ABCC8: variants seen among roughly 807,000 people sequenced by gnomAD.
The protein encoded by ABCC8 is ATP-binding cassette sub-family C member 8.
A neutral mutation model predicts 188.0 loss-of-function variants in ABCC8; 137 were observed. The observed-to-expected ratio is 0.73, with a 90% CI of 0.63 to 0.84. The LOEUF (loss-of-function observed/expected upper bound fraction) is 0.84, where lower values mean the gene tolerates loss of function less well. ABCC8 is among the 40% of genes least tolerant of loss of function. The pLI is 0.00. For missense variants in ABCC8, 1,750 were observed against 2,072.7 expected, an observed-to-expected ratio of 0.84 and a Z score of 3.02; for synonymous variants, 797 against 846.5, an observed-to-expected ratio of 0.94 and a Z score of 1.01.
chr11:17,436,847 G>A (rs907327016), intron 10 of ABCC8, among the ~76,000 whole-genome samples: 2 of 152,178 alleles, frequency 1.3e-5, no homozygotes, highest in African/African-American at 2.4e-5. Context: ...CCAGCACTCT[G>A]GGAGGCCAAG....
chr11:17,449,389 A>T (rs1433116501), intron 7 of ABCC8, among the ~76,000 whole-genome samples: 2 of 152,214 alleles, frequency 1.3e-5, no homozygotes, highest in Non-Finnish European at 2.9e-5. Flanking sequence ...CTCTGAGACC[A>T]AGTCCTGTCA....
chr11:17,458,505 C>G (rs936742449), intron 6 of ABCC8, among the ~76,000 whole-genome samples: 1 of 152,086 alleles, frequency 6.6e-6, no homozygotes, highest in Admixed American at 6.5e-5. Flanking sequence ...GATAAGGGCT[C>G]TGGCCTGTGC....
Position 17,394,267 on chromosome 11 carries a change from G to A in ABCC8, c.4544C>T (p.Thr1515Met), listed in dbSNP as rs769989185. 8 of 1,613,786 alleles carry A rather than the reference G, an allele frequency of 5.0e-6. No homozygotes were observed. Among genetic ancestry groups the A allele is most frequent in the Admixed American group, 1.7e-5 (1 of 60,026 alleles). The change falls in exon 37 of 39, where the codon ACG becomes ATG. Residue 1515 changes from threonine to methionine, a missense_variant and splice_region_variant. Thr to Met is a moderately conservative substitution (Grantham distance 81). Coordinates refer to ENST00000389817, the MANE Select transcript of ABCC8 (RefSeq NM_000352.6). ...CCCATGGAGGGGCCCAGGACCAACC[G>A]TGGCCATGTCAATGGAAGCCGTGGC... ...DEATASIDMA[T>M]ENILQKVVMT... is the part of the protein sequence containing the mutation.
Position 17,404,619 on chromosome 11 carries a change from GAC to G in ABCC8, c.3448_3449del (p.Val1150LeufsTer43), listed in dbSNP as rs1263082097. ...ECLSRSTLLC[V>X]SALAVISYVT... ...CATAGGAGATGACGGCCAGGGCTGA[GAC>G]ACAGAGCAGGGTGGAGCGGCTCAGG... On this transcript the variant is annotated frameshift_variant, in exon 28 of 39. Coordinates refer to ENST00000389817, the MANE Select transcript of ABCC8 (RefSeq NM_000352.6). LOFTEE classifies it high-confidence loss of function. The surrounding 1 kb of genome is among the most constrained non-coding windows in gnomAD (Gnocchi z 4.7). 1 of 1,613,780 alleles carries G rather than the reference GAC, an allele frequency of 6.2e-7. No homozygotes were observed.
At position 17,394,066 on chromosome 11, in the gene ABCC8, T is replaced by TTG. The variant is rs111234796; in HGVS notation, c.4545+198_4545+199dup. 4.6e-3 allele frequency among the ~76,000 whole-genome samples: 696 copies of TTG among 152,268 alleles called. 6 individuals are homozygous for TTG. Among genetic ancestry groups the TTG allele is most frequent in the African/African-American group, 0.016 (659 of 41,544 alleles). ...TTATGTGTGTGTTTGCATAGTGTTT[T>TTG]TGTGTGTGCGTGTGTGTGTGTAACA... On this transcript the variant is annotated intron_variant, in intron 37 of 38. Transcript: ENST00000389817.
At chr11:17,400,436 C>T (rs904263473) in intron 29 of ABCC8, among the ~76,000 whole-genome samples, 5 of 152,094 alleles carry the variant, frequency 3.3e-5, no homozygotes, top group Admixed American at 6.5e-5. Context: ...CACAGGCGTG[C>T]GACAGTGTGT....
rs1440000663 is a variant in ABCC8 at position 17,406,781 on chromosome 11, G to A, written c.3170C>T (p.Thr1057Ile). Reference sequence around the variant, plus strand: ...CATGGCATAGACAGTCTGGTCGAGGGTGCACTCCTTCACAGGCAGAGAGTG... The same window carrying A: ...CATGGCATAGACAGTCTGGTCGAGGATGCACTCCTTCACAGGCAGAGAGTG... ...ARNCSLSQEC[T>I]LDQTVYAMVF... Residue 1057 changes from threonine (T) to isoleucine (I), a missense_variant, in exon 26 of 39, where the codon ACC (threonine) becomes ATC (isoleucine). Thr to Ile is a moderately conservative substitution (Grantham distance 89). Transcript: ENST00000389817. The A allele has an allele frequency of 1.9e-6, 3 of 1,614,196 alleles. No individual in the cohort carries two copies. The highest frequency in any genetic ancestry group is 2.5e-6 in the Non-Finnish European group (3 of 1,180,024).
At position 17,410,508 on chromosome 11, in the gene ABCC8, C is replaced by A; in HGVS notation, c.2694+8G>T. 1 of 1,614,126 alleles carries A rather than the reference C, an allele frequency of 6.2e-7. No homozygotes were observed. Among genetic ancestry groups the A allele is most frequent in the Non-Finnish European group, 8.5e-7 (1 of 1,179,994 alleles). On this transcript the variant is annotated splice_region_variant and intron_variant, in intron 22 of 38. Transcript: ENST00000389817. ...CCCCTATAGCCTGACCCCCTTGTTC[C>A]CCCTCACCCAGTCTGCATGGGGCAG...
chr11:17,396,476 A>G (rs757111), intron 33 of ABCC8: 17,720 of 289,584 alleles, frequency 0.061, 838 homozygotes, highest in Admixed American at 0.16. Flanking sequence ...TGAGACAGAG[A>G]CAAAGAGACA....
At position 17,428,382 on chromosome 11, in the gene ABCC8, C is replaced by T. The variant is rs1799858; in HGVS notation, c.1947G>A (p.Lys649=). The change falls in exon 14 of 39, where the codon AAG becomes AAA. Residue 649 remains lysine, a synonymous_variant. Transcript: ENST00000389817. ...QAVPLRVVNR[K]RPAREDCRGL... ...CCCGACAATCCTCCCGGGCTGGACG[C>T]TTGCGGTTCACAACCCTGAGGGGCT... The T allele has an allele frequency of 0.16, 258,896 of 1,613,742 alleles. 22,375 individuals carry two copies. Among genetic ancestry groups the T allele is most frequent in the South Asian group, 0.28 (25,559 of 91,058 alleles).
At chr11:17,397,520 C>T (rs1954002857) in intron 31 of ABCC8, 164 bp downstream of exon 31, 3 of 1,411,954 alleles carry the variant, frequency 2.1e-6, no homozygotes, top group Non-Finnish European at 2.9e-6. Flanking sequence ...GGGGCCTGGG[C>T]CCTGGGGCCT....
Position 17,393,777 on chromosome 11 carries a change from C to T in ABCC8, c.4546-18G>A, listed in dbSNP as rs774041537. 35 of 1,613,964 alleles carry T rather than the reference C, an allele frequency of 2.2e-5. No homozygotes were observed. Among genetic ancestry groups the T allele is most frequent in the Non-Finnish European group, 3.0e-5 (35 of 1,179,922 alleles). ...ATGTTTTCCTGCCAAGTGGGGGCAACAGCTGTTGGCTCACCTGCCCAGTGG... is the reference window on the plus strand; with the variant it reads ...ATGTTTTCCTGCCAAGTGGGGGCAATAGCTGTTGGCTCACCTGCCCAGTGG... On this transcript the variant is annotated intron_variant, in intron 37 of 38. Coordinates refer to ENST00000389817, the MANE Select transcript of ABCC8 (RefSeq NM_000352.6).
intron 29 of ABCC8, among the ~76,000 whole-genome samples, chr11:17,400,641 C>A (rs561262824): frequency 6.6e-6 from 1 of 152,318 alleles, no homozygotes; most frequent in South Asian, 2.1e-4. Flanking sequence ...ACTCTTGAAA[C>A]TCTTTTGGGA....
Position 17,394,351 on chromosome 11 carries a change from T to G in ABCC8, c.4460A>C (p.Gln1487Pro). Residue 1487 changes from glutamine (Q) to proline (P), a missense_variant, in exon 37 of 39, where the codon CAG becomes CCG. Transcript: ENST00000389817. ...GGENFSQGQRQLFCLARAFVR... is the reference protein window; with the variant it reads ...GGENFSQGQRPLFCLARAFVR... Reference sequence around the variant, plus strand: ...GAAGGCCCGGGCCAGGCAGAACAGCTGCCTCTGTCCCTGGCTGAAATTCTC... The same window carrying G: ...GAAGGCCCGGGCCAGGCAGAACAGCGGCCTCTGTCCCTGGCTGAAATTCTC... 1 of 1,614,144 alleles carries G rather than the reference T, an allele frequency of 6.2e-7. No individual in the cohort carries two copies. The highest frequency in any genetic ancestry group is 1.3e-5 in the African/African-American group (1 of 75,052).
chr11:17,404,319 T>A lies in ABCC8; in HGVS notation c.3557+193A>T, dbSNP rs1954397412. Among the ~76,000 whole-genome samples, 1 of 152,226 alleles carries A rather than the reference T, an allele frequency of 6.6e-6. No individual in the cohort carries two copies. Among genetic ancestry groups the A allele is most frequent in the Non-Finnish European group, 1.5e-5 (1 of 68,038 alleles). On this transcript the variant is annotated intron_variant, in intron 28 of 38. Transcript: ENST00000389817. This position sits in a 1 kb window ranked among gnomAD's most constrained non-coding sequence, Gnocchi z 4.7. ...TAATTCAGATGTCAACCTCAGTGTG[T>A]GCGTGTGTTGGCAGACTATTATATT...
At chr11:17,440,707 T>C (rs1780703184) in intron 10 of ABCC8, among the ~76,000 whole-genome samples, 1 of 152,276 alleles carries the variant, frequency 6.6e-6, no homozygotes, top group African/African-American at 2.4e-5. Context: ...CACTGATGAC[T>C]GGACCACATT....
chr11:17,407,146 C>G lies in ABCC8; in HGVS notation c.2921-17G>C, dbSNP rs1173144432. 9.3e-6 allele frequency: 15 copies of G among 1,607,508 alleles called. No individual in the cohort carries two copies. The highest frequency in any genetic ancestry group is 1.1e-5 in the Non-Finnish European group (13 of 1,177,986). On this transcript the variant is annotated splice_polypyrimidine_tract_variant and intron_variant, in intron 24 of 38. Transcript: ENST00000389817. ...CTGCCTCCTCTGCAGGCCGCAAGAA[C>G]CCACTCTGTGGCTACACATTTCCAT...
intron 22 of ABCC8, 58 bp from the exon 23 acceptor site, chr11:17,408,575 A>T (rs550146680): frequency 1.3e-6 from 2 of 1,581,174 alleles, no homozygotes; most frequent in South Asian, 2.3e-5. Flanking sequence ...TGGTGGTCAC[A>T]TCCCTCAATT....
At chr11:17,422,097 G>C (rs1007601149) in intron 16 of ABCC8, among the ~76,000 whole-genome samples, 5 of 152,210 alleles carry the variant, frequency 3.3e-5, no homozygotes, top group Admixed American at 2.0e-4. Flanking sequence ...CAGACCTGGG[G>C]CTCAATGTCT....
Sources: gnomAD v4.1 joint callset for allele counts (sites outside exome capture counted in the v4.1 genomes callset) on GRCh38, gnomAD v4.1.1 for gene constraint, Gnocchi (gnomAD v3.1) non-coding constraint, MANE v1.5 for transcripts, NCBI Gene and HGNC (gene_info 2026-07-23, HGNC 2026-07-21) for gene names.